The following ALG5 variants were observed in gnomAD, a reference collection of about 807,000 sequenced individuals.
ALG5 encodes dolichyl-phosphate beta-glucosyltransferase.
ALG5 carries 26 observed loss-of-function variants against 51.8 expected under a neutral mutation model. That is an observed-to-expected ratio of 0.50 (90% CI 0.37 to 0.70). The LOEUF is 0.70. ALG5 is among the 30% of genes least tolerant of loss of function. ALG5 has a pLI of 0.00. For synonymous variants in ALG5, 141 were observed against 136.1 expected, an observed-to-expected ratio of 1.04 and a Z score of -0.25; for missense variants, 311 against 399.3, an observed-to-expected ratio of 0.78 and a Z score of 1.88.
chr13:36,974,848 G>C (rs1338509094), intron 6 of ALG5, among the ~76,000 whole-genome samples: 1 of 151,980 alleles, frequency 6.6e-6, no homozygotes, highest in East Asian at 1.9e-4. Flanking sequence ...AATACCATCA[G>C]ACATACATAT....
intron 7 of ALG5, among the ~76,000 whole-genome samples, 153 bp from the exon 8 acceptor site, chr13:36,965,879 T>C (rs2058890899): frequency 6.6e-6 from 1 of 152,220 alleles, no homozygotes; most frequent in African/African-American, 2.4e-5. Context: ...ACCAACAAAG[T>C]ATATTAAAGA....
intron 8 of ALG5, among the ~76,000 whole-genome samples, chr13:36,960,574 G>A (rs2058861485): frequency 6.6e-6 from 1 of 152,080 alleles, no homozygotes; most frequent in Non-Finnish European, 1.5e-5. Flanking sequence ...GTGCAGTGGT[G>A]CAATCAAGTG....
At chr13:36,979,682 T>C (rs908354102) in intron 6 of ALG5, among the ~76,000 whole-genome samples, 1 of 152,182 alleles carries the variant, frequency 6.6e-6, no homozygotes, top group Non-Finnish European at 1.5e-5. Flanking sequence ...CCGTATCTTT[T>C]TCATATCCAT....
intron 8 of ALG5, among the ~76,000 whole-genome samples, chr13:36,953,839 AAAT>A (rs1352695083): frequency 1.3e-5 from 2 of 152,214 alleles, no homozygotes; most frequent in Non-Finnish European, 2.9e-5. Flanking sequence ...ATGAAAAAAG[AAAT>A]AATTTCAATA....
intron 4 of ALG5, among the ~76,000 whole-genome samples, chr13:36,992,391 A>G (rs1245987304): frequency 6.6e-6 from 1 of 152,244 alleles, no homozygotes; most frequent in Non-Finnish European, 1.5e-5. Flanking sequence ...TTGAGACTGC[A>G]AAACCAAGAA....
chr13:36,967,291 C>A (rs866014051), intron 7 of ALG5, among the ~76,000 whole-genome samples: 1 of 151,820 alleles, frequency 6.6e-6, no homozygotes, highest in Non-Finnish European at 1.5e-5. Flanking sequence ...ATATTGGAAT[C>A]CTGGCTCCGT....
intron 6 of ALG5, among the ~76,000 whole-genome samples, chr13:36,979,067 A>T (rs1162278038): frequency 2.0e-5 from 3 of 151,734 alleles, no homozygotes; most frequent in Non-Finnish European, 1.5e-5. Context: ...CTCAGGCTGG[A>T]GTGCAGTGGC....
chr13:36,996,950 C>A (rs528652548), intron 1 of ALG5, among the ~76,000 whole-genome samples: 1 of 152,274 alleles, frequency 6.6e-6, no homozygotes, highest in Non-Finnish European at 1.5e-5. Flanking sequence ...ACACCAGAGA[C>A]AAATGGCCAT....
chr13:36,969,230 T>C (rs1469864727), intron 7 of ALG5, among the ~76,000 whole-genome samples: 5 of 152,136 alleles, frequency 3.3e-5, no homozygotes, highest in Non-Finnish European at 5.9e-5. Context: ...AAGTTCTAAG[T>C]GAAAAGAATT....
chr13:36,954,353 C>A (rs2058830964), intron 8 of ALG5, among the ~76,000 whole-genome samples: 2 of 152,092 alleles, frequency 1.3e-5, no homozygotes, highest in South Asian at 4.1e-4. Context: ...TGCCACCATG[C>A]CTGGTTAATT....
At chr13:36,971,058 G>T (rs1196613522) in intron 7 of ALG5, among the ~76,000 whole-genome samples, 5 of 152,040 alleles carry the variant, frequency 3.3e-5, no homozygotes, top group Non-Finnish European at 4.4e-5. Context: ...TTGGGGGAAA[G>T]GTTCAACCTT....
intron 6 of ALG5, among the ~76,000 whole-genome samples, chr13:36,972,292 A>G (rs1341112323): frequency 6.6e-6 from 1 of 152,194 alleles, no homozygotes; most frequent in Admixed American, 6.6e-5. Context: ...ACTTTAAATG[A>G]TATTTTCTGT....
chr13:36,966,946 G>A (rs1039027445), intron 7 of ALG5, among the ~76,000 whole-genome samples: 6 of 152,062 alleles, frequency 3.9e-5, no homozygotes, highest in African/African-American at 1.4e-4. Flanking sequence ...AATCAGGCGA[G>A]GTGCGGTGGC....
At chr13:36,987,493 A>G (rs905046428) in intron 5 of ALG5, among the ~76,000 whole-genome samples, 1 of 151,986 alleles carries the variant, frequency 6.6e-6, no homozygotes, top group African/African-American at 2.4e-5. Context: ...GTTGTCTAAA[A>G]GTGTGTGGCA....
chr13:36,985,674 C>T lies in ALG5; in HGVS notation c.514G>A (p.Asp172Asn). 6.2e-7 allele frequency: 1 copy of T among 1,613,832 alleles called. No individual in the cohort carries two copies. Among genetic ancestry groups the T allele is most frequent in the Non-Finnish European group, 8.5e-7 (1 of 1,179,902 alleles). ...ADADGATKFP[D>N]VEKLEKGLND... is the part of the protein sequence containing the mutation. ...AGCCCCTTTTCTAATTTCTCAACATCTGGAAACTTTGTGGCTCCATCAGCA... is the reference window on the plus strand; with the variant it reads ...AGCCCCTTTTCTAATTTCTCAACATTTGGAAACTTTGTGGCTCCATCAGCA... The change falls in exon 6 of 10, where the codon GAT becomes AAT. Residue 172 changes from aspartate (D) to asparagine (N), a missense_variant. Coordinates refer to ENST00000239891, the MANE Select transcript of ALG5 (RefSeq NM_013338.5).
At position 36,971,791 on chromosome 13, in the gene ALG5, A is replaced by G. The variant is rs1256877354; in HGVS notation, c.621+186T>C. 2.0e-5 allele frequency among the ~76,000 whole-genome samples: 3 copies of G among 152,258 alleles called. No homozygotes were observed. The East Asian group carries it at 5.8e-4, about 29-fold the overall frequency. On this transcript the variant is annotated intron_variant, in intron 7 of 9. Transcript: ENST00000239891. ...CACATCTTCTTGTATATGCTTAAAA[A>G]AAAATCAATTCTAAAATGTGCCAAT...
chr13:36,959,740 A>T (rs2058857378), intron 8 of ALG5, among the ~76,000 whole-genome samples: 1 of 152,082 alleles, frequency 6.6e-6, no homozygotes, highest in South Asian at 2.1e-4. Context: ...CCTAACTATA[A>T]AACAAATGTG....
intron 1 of ALG5, among the ~76,000 whole-genome samples, chr13:36,997,548 A>T (rs1359218895): frequency 1.3e-5 from 2 of 152,040 alleles, no homozygotes; most frequent in Non-Finnish European, 2.9e-5. Flanking sequence ...GACTCAAGAC[A>T]TCAACAGAGT....
chr13:36,967,728 C>A, intron 7 of ALG5: 1 of 859,346 alleles, frequency 1.2e-6, no homozygotes, highest in Non-Finnish European at 1.7e-6. Flanking sequence ...AATCTCACAA[C>A]AGCTTGCTCA....
Sources: allele counts gnomAD v4.1 joint callset (sites outside exome capture counted in the v4.1 genomes callset), GRCh38; gene constraint gnomAD v4.1.1; transcripts MANE v1.5; gene names NCBI Gene and HGNC (gene_info 2026-07-23, HGNC 2026-07-21).